The following KIAA1671 variants were observed in gnomAD, a reference collection of about 807,000 sequenced individuals.
The protein encoded by KIAA1671 is KIAA1671.
Under a neutral mutation model 131.2 loss-of-function variants are expected in KIAA1671, and 52 were observed. The ratio of observed to expected loss-of-function variants is 0.40; its 90% CI spans 0.32 to 0.50. The LOEUF (loss-of-function observed/expected upper bound fraction) is 0.50, where lower values mean the gene tolerates loss of function less well. Among genes scored for constraint, KIAA1671 ranks in the 20% least tolerant of loss-of-function variants. The pLI is 0.73. For missense variants in KIAA1671, 2,360 were observed against 2,364.2 expected, an observed-to-expected ratio of 1.00 and a Z score of 0.04; for synonymous variants, 1,003 against 961.6, an observed-to-expected ratio of 1.04 and a Z score of -0.80.
rs371175965 is a variant in KIAA1671, at chr22:25,164,774, C to T, written c.4531-6046C>T. ...ACCAGCCTGGGCAACATGGTGAAACCCCCTCTCTACTAAAAATACAAAAAT... is the reference window on the plus strand; with the variant it reads ...ACCAGCCTGGGCAACATGGTGAAACTCCCTCTCTACTAAAAATACAAAAAT... On this transcript the variant is annotated intron_variant, in intron 6 of 12. Coordinates refer to ENST00000358431, the MANE Select transcript of KIAA1671 (RefSeq NM_001145206.2). Among the ~76,000 whole-genome samples, 10 of 152,086 alleles carry T rather than the reference C, an allele frequency of 6.6e-5. No individual in the cohort carries two copies. In the East Asian group the frequency reaches 1.2e-3, roughly 18 times the overall value.
At chr22:24,954,551 T>C (rs973863911) in intron 1 of KIAA1671, among the ~76,000 whole-genome samples, 7 of 152,176 alleles carry the variant, frequency 4.6e-5, no homozygotes, top group African/African-American at 1.7e-4. Flanking sequence ...CCAGCGTGTA[T>C]TGAGCACCTA....
rs574298557 is a variant in KIAA1671, at chr22:25,115,171, C to T, written c.4531-55649C>T. Among the ~76,000 whole-genome samples, 11 of 152,322 alleles carry T rather than the reference C, an allele frequency of 7.2e-5. No homozygotes were observed. In the South Asian group the frequency reaches 2.1e-3, roughly 29 times the overall value. ...CAGGAAGAGGCACGTTTATGCTGCA[C>T]TCCCATGTGAGCCTGAGAAACACGC... On this transcript the variant is annotated intron_variant, in intron 6 of 12. Coordinates refer to ENST00000358431, the MANE Select transcript of KIAA1671 (RefSeq NM_001145206.2).
intron 6 of KIAA1671, among the ~76,000 whole-genome samples, chr22:25,148,355 A>G (rs1932931558): frequency 6.7e-6 from 1 of 148,548 alleles, no homozygotes; most frequent in Admixed American, 6.8e-5. Flanking sequence ...CCTCAGTCTT[A>G]GAGTGGGGAT....
At chr22:25,112,237 C>T (rs537202740) in intron 6 of KIAA1671, 6 of 399,026 alleles carry the variant, frequency 1.5e-5, no homozygotes, top group South Asian at 2.5e-4. Flanking sequence ...AGTGGATGGG[C>T]ACCGTGAGGA....
chr22:24,976,598 A>G (rs1230097717), intron 1 of KIAA1671, among the ~76,000 whole-genome samples: 1 of 152,174 alleles, frequency 6.6e-6, no homozygotes, highest in East Asian at 1.9e-4. Context: ...CCTGTGACGC[A>G]GAGAGCCCAC....
rs202199010 is a variant in KIAA1671 at position 25,182,398 on chromosome 22, C to CT, written c.5199+581dup. ...CCCTTTCTCTTTTCTTCCTTCCTTC[C>CT]TTTTTTGTCCATCCTTTTTTATCCT... On this transcript the variant is annotated intron_variant, in intron 10 of 12. Coordinates refer to ENST00000358431, the MANE Select transcript of KIAA1671 (RefSeq NM_001145206.2). Among the ~76,000 whole-genome samples, 786 of 145,328 alleles carry CT rather than the reference C, an allele frequency of 5.4e-3. 19 individuals carry two copies. Among genetic ancestry groups the CT allele is most frequent in the Admixed American group, 0.047 (665 of 14,026 alleles).
chr22:24,962,263 A>T (rs1349501806), intron 1 of KIAA1671, among the ~76,000 whole-genome samples: 1 of 152,178 alleles, frequency 6.6e-6, no homozygotes, highest in Non-Finnish European at 1.5e-5. Context: ...ACTTTTGATC[A>T]GCCTCATCAC....
intron 7 of KIAA1671, among the ~76,000 whole-genome samples, chr22:25,171,744 T>A (rs763374886): frequency 4.0e-4 from 60 of 151,886 alleles, no homozygotes; most frequent in Middle Eastern, 6.8e-3. Flanking sequence ...ATAATAATAA[T>A]GATATATGAA....
At chr22:25,001,592 A>T (rs1230886040) in intron 1 of KIAA1671, among the ~76,000 whole-genome samples, 3 of 152,188 alleles carry the variant, frequency 2.0e-5, no homozygotes, top group Non-Finnish European at 4.4e-5. Context: ...GGGTAGATGC[A>T]GGGAAGTGGG....
chr22:25,192,206 T>C lies in KIAA1671; in HGVS notation c.*5-200T>C, dbSNP rs80003950. Among the ~76,000 whole-genome samples, 337 of 152,250 alleles carry C rather than the reference T, an allele frequency of 2.2e-3. 3 individuals are homozygous for C. Among genetic ancestry groups the C allele is most frequent in the African/African-American group, 7.5e-3 (312 of 41,550 alleles). Reference sequence around the variant, plus strand: ...AACCCTGACCTGACCCTAAATTTCATGTTGGTTTCACTGTATTCCATGCCT... The same window carrying C: ...AACCCTGACCTGACCCTAAATTTCACGTTGGTTTCACTGTATTCCATGCCT... On this transcript the variant is annotated intron_variant, in intron 12 of 12. Coordinates refer to ENST00000358431, the MANE Select transcript of KIAA1671 (RefSeq NM_001145206.2).
intron 6 of KIAA1671, chr22:25,054,961 C>T (rs1927760206): frequency 6.7e-6 from 1 of 149,428 alleles, no homozygotes; most frequent in African/African-American, 2.4e-5. Flanking sequence ...ATCTGGGGTC[C>T]TTTAAACTTG....
At chr22:25,106,122 G>A (rs986240890) in intron 6 of KIAA1671, among the ~76,000 whole-genome samples, 1 of 152,156 alleles carries the variant, frequency 6.6e-6, no homozygotes, top group Non-Finnish European at 1.5e-5. Flanking sequence ...TTCATTGAGG[G>A]AAAGCTCTCA....
At chr22:25,024,364 G>A (rs1431483366) in intron 1 of KIAA1671, 2 of 152,270 alleles carry the variant, frequency 1.3e-5, no homozygotes, top group African/African-American at 2.4e-5. Context: ...AGGTTAATGT[G>A]GATGTAGCAG....
intron 6 of KIAA1671, among the ~76,000 whole-genome samples, chr22:25,168,069 A>G (rs1315944291): frequency 6.6e-6 from 1 of 152,196 alleles, no homozygotes; most frequent in Non-Finnish European, 1.5e-5. Flanking sequence ...ATGGACCACA[A>G]GTGCTGTCTC....
chr22:25,079,513 T>A (rs1403464289), intron 6 of KIAA1671, among the ~76,000 whole-genome samples: 1 of 152,102 alleles, frequency 6.6e-6, no homozygotes. Flanking sequence ...TCTGGAGGGC[T>A]TGGGTGTGTG....
intron 6 of KIAA1671, among the ~76,000 whole-genome samples, chr22:25,141,984 T>G (rs1292878405): frequency 6.6e-6 from 1 of 152,194 alleles, no homozygotes; most frequent in Non-Finnish European, 1.5e-5. Flanking sequence ...AACCTTTACC[T>G]TACAGGGAAA....
chr22:25,068,921 T>TC (rs1017225049), intron 6 of KIAA1671, among the ~76,000 whole-genome samples: 1 of 152,052 alleles, frequency 6.6e-6, no homozygotes, highest in African/African-American at 2.4e-5. Context: ...TGTGAACACC[T>TC]CCCCCGCCTC....
intron 6 of KIAA1671, among the ~76,000 whole-genome samples, chr22:25,100,566 C>T (rs894216975): frequency 6.6e-6 from 1 of 152,214 alleles, no homozygotes. Context: ...CAGCTCTGCA[C>T]ATAGCAGATG....
chr22:25,164,369 G>A (rs921983815), intron 6 of KIAA1671, among the ~76,000 whole-genome samples: 3 of 152,146 alleles, frequency 2.0e-5, no homozygotes, highest in African/African-American at 7.2e-5. Context: ...AGGAAGGGCC[G>A]ACTGAATGGA....
Sources: allele counts gnomAD v4.1 joint callset (sites outside exome capture counted in the v4.1 genomes callset), GRCh38; gene constraint gnomAD v4.1.1; transcripts MANE v1.5; gene names NCBI Gene and HGNC (gene_info 2026-07-23, HGNC 2026-07-21).